Variants in VAV3 observed in about 807,000 individuals in gnomAD.
VAV3 encodes the protein vav guanine nucleotide exchange factor 3.
A neutral mutation model predicts 131.2 loss-of-function variants in VAV3; 94 were observed. The ratio of observed to expected loss-of-function variants is 0.72; its 90% CI spans 0.61 to 0.85. The LOEUF is 0.85. Among genes scored for constraint, VAV3 ranks in the 40% least tolerant of loss-of-function variants. VAV3 has a pLI of 0.00. For synonymous variants in VAV3, 349 were observed against 342.0 expected (o/e 1.02, Z -0.22); for missense variants, 939 against 1,002.7 (o/e 0.94, Z 0.86).
intron 1 of VAV3, among the ~76,000 whole-genome samples, chr1:107,924,881 G>C (rs758573259): frequency 6.6e-6 from 1 of 152,110 alleles, no homozygotes; most frequent in Non-Finnish European, 1.5e-5. Flanking sequence ...CAGCTAGAGC[G>C]ACACAGTTAA....
At position 107,795,547 on chromosome 1, in the gene VAV3, A is replaced by G. The variant is rs559288147; in HGVS notation, c.322-16055T>C. On this transcript the variant is annotated intron_variant, in intron 2 of 26. Coordinates refer to ENST00000370056, the MANE Select transcript of VAV3 (RefSeq NM_006113.5). ...TCCCCTCCCCCCAGGAAAAAAAATG[A>G]ATGCCCTGTCAAAATATGGCATATG... is the stretch of plus-strand genomic sequence containing the variant. Among the ~76,000 whole-genome samples the G allele has an allele frequency of 5.3e-4, 81 of 152,264 alleles. 1 individual carries two copies. The highest frequency in any genetic ancestry group is 1.9e-3 in the African/African-American group (79 of 41,536).
intron 25 of VAV3, among the ~76,000 whole-genome samples, chr1:107,582,903 T>A (rs1650176723): frequency 6.6e-6 from 1 of 152,084 alleles, no homozygotes; most frequent in East Asian, 1.9e-4. Flanking sequence ...AGCAGCATGA[T>A]TTATAGTCCT....
At chr1:107,787,340 T>G (rs1666062825) in intron 2 of VAV3, among the ~76,000 whole-genome samples, 1 of 152,130 alleles carries the variant, frequency 6.6e-6, no homozygotes, top group Admixed American at 6.5e-5. Context: ...CTTCCTGCTC[T>G]CAAAAAACCA....
In VAV3 at chr1:107,820,897, T is replaced by C. The variant is rs368296347; in HGVS notation, c.322-41405A>G. 11 of 152,294 alleles carry C rather than the reference T, an allele frequency of 7.2e-5. No individual in the cohort carries two copies. In the East Asian group the frequency reaches 1.5e-3, roughly 21 times the overall value. The allele number at this position is 152,294 out of a possible 1,614,324, so 9.4% of individuals were successfully genotyped here. On this transcript the variant is annotated intron_variant, in intron 2 of 26. Transcript: ENST00000370056. ...TATAATAAGGGGCAAGTTTCTTTAATACCTATATAACCAAGAGAAAAGAAT... is the reference window on the plus strand; with the variant it reads ...TATAATAAGGGGCAAGTTTCTTTAACACCTATATAACCAAGAGAAAAGAAT...
chr1:107,629,154 A>G (rs1264794721), intron 20 of VAV3, among the ~76,000 whole-genome samples: 1 of 152,202 alleles, frequency 6.6e-6, no homozygotes, highest in African/African-American at 2.4e-5. Flanking sequence ...ATAAAACCCC[A>G]TGATATAAGA....
chr1:107,725,865 T>C lies in VAV3; in HGVS notation c.1503-20804A>G, dbSNP rs139976256. ...CTGTTTCCTGGGTCTCCTGGGCACC[T>C]ATAATATCTGGCAGTCACAGTAGAA... On this transcript the variant is annotated intron_variant, in intron 15 of 26. Coordinates refer to ENST00000370056, the MANE Select transcript of VAV3 (RefSeq NM_006113.5). Among the ~76,000 whole-genome samples, 1,209 of 152,258 alleles carry C rather than the reference T, an allele frequency of 7.9e-3. 22 individuals carry two copies. Among genetic ancestry groups the C allele is most frequent in the African/African-American group, 0.028 (1,155 of 41,556 alleles).
intron 1 of VAV3, among the ~76,000 whole-genome samples, chr1:107,909,350 TTA>T (rs1203374560): frequency 6.6e-6 from 1 of 152,156 alleles, no homozygotes; most frequent in Admixed American, 6.5e-5. Flanking sequence ...TAAAAAAATG[TTA>T]TATGAGTATT....
chr1:107,837,751 G>T (rs1668538105), intron 2 of VAV3, among the ~76,000 whole-genome samples: 1 of 152,108 alleles, frequency 6.6e-6, no homozygotes, highest in Admixed American at 6.5e-5. Flanking sequence ...ACAACTATCT[G>T]ATCTTTGACA....
intron 1 of VAV3, among the ~76,000 whole-genome samples, chr1:107,959,589 C>A (rs751892950): frequency 3.3e-5 from 5 of 152,180 alleles, no homozygotes; most frequent in Non-Finnish European, 7.4e-5. Context: ...ATGGCCATTG[C>A]CTCTCAACTC....
intron 2 of VAV3, among the ~76,000 whole-genome samples, chr1:107,803,876 C>T (rs1666940325): frequency 6.6e-6 from 1 of 151,918 alleles, no homozygotes; most frequent in Non-Finnish European, 1.5e-5. Context: ...TACTTTATTG[C>T]AATCTATCTC....
chr1:107,590,779 G>A (rs1412607090), intron 25 of VAV3, among the ~76,000 whole-genome samples: 3 of 151,864 alleles, frequency 2.0e-5, no homozygotes, highest in East Asian at 1.9e-4. Flanking sequence ...TAAGATATAC[G>A]CAAACCTGCC....
In VAV3 at chr1:107,620,253, C is replaced by A. The variant is rs527519067; in HGVS notation, c.1915-2621G>T. ...AGTTCCCTGTCAATGAGGAGCATGG[C>A]CCTAAATTCCTCTTCATTAAAAAGA... On this transcript the variant is annotated intron_variant, in intron 20 of 26. Transcript: ENST00000370056. Among the ~76,000 whole-genome samples the A allele has an allele frequency of 8.1e-4, 123 of 152,160 alleles. 1 individual carries two copies. Among genetic ancestry groups the A allele is most frequent in the African/African-American group, 2.9e-3 (122 of 41,536 alleles).
At chr1:107,927,257 C>T (rs1330181061) in intron 1 of VAV3, among the ~76,000 whole-genome samples, 3 of 152,114 alleles carry the variant, frequency 2.0e-5, no homozygotes, top group African/African-American at 4.8e-5. Context: ...CACCTTCTGA[C>T]TAAAGTGCCC....
intron 1 of VAV3, among the ~76,000 whole-genome samples, chr1:107,915,476 C>G (rs1672566367): frequency 6.6e-6 from 1 of 152,246 alleles, no homozygotes; most frequent in Non-Finnish European, 1.5e-5. Context: ...GGAGACCAGA[C>G]AGAGGCAGGT....
chr1:107,865,198 T>C (rs1669926827), intron 2 of VAV3, among the ~76,000 whole-genome samples: 2 of 152,094 alleles, frequency 1.3e-5, no homozygotes. Context: ...CAGGATGAGC[T>C]GAAGAAAAGA....
intron 2 of VAV3, among the ~76,000 whole-genome samples, chr1:107,825,016 G>A (rs1667950484): frequency 6.6e-6 from 1 of 152,126 alleles, no homozygotes; most frequent in East Asian, 1.9e-4. Context: ...ACCACAGGTG[G>A]TCCAAGTCTG....
chr1:107,859,702 C>T (rs1047441652), intron 2 of VAV3, among the ~76,000 whole-genome samples: 3 of 152,050 alleles, frequency 2.0e-5, no homozygotes, highest in African/African-American at 7.3e-5. Context: ...ATGATAATCA[C>T]CTTTGGTAGA....
At chr1:107,666,273 C>A (rs1429658880) in intron 19 of VAV3, among the ~76,000 whole-genome samples, 1 of 152,094 alleles carries the variant, frequency 6.6e-6, no homozygotes, top group African/African-American at 2.4e-5. Flanking sequence ...TGGCTACTGG[C>A]ACTCATGAAT....
At chr1:107,940,603 G>A (rs1420477462) in intron 1 of VAV3, among the ~76,000 whole-genome samples, 3 of 152,106 alleles carry the variant, frequency 2.0e-5, no homozygotes, top group Admixed American at 2.0e-4. Flanking sequence ...GAATGAAAAA[G>A]CAAACAAAAA....
Sources: gnomAD v4.1 joint callset for allele counts (sites outside exome capture counted in the v4.1 genomes callset) on GRCh38, gnomAD v4.1.1 for gene constraint, MANE v1.5 for transcripts, NCBI Gene and HGNC (gene_info 2026-07-23, HGNC 2026-07-21) for gene names.